LINGO2: variants seen among roughly 807,000 people sequenced by gnomAD.
LINGO2 encodes the protein leucine-rich repeat and immunoglobulin-like domain-containing nogo receptor-interacting protein 2.
A neutral mutation model predicts 30.6 loss-of-function variants in LINGO2; 14 were observed. That is an observed-to-expected ratio of 0.46 (90% CI 0.30 to 0.72). The LOEUF (loss-of-function observed/expected upper bound fraction) is 0.72, where lower values mean the gene tolerates loss of function less well. Among genes scored for constraint, LINGO2 ranks in the 30% least tolerant of loss-of-function variants. The probability of loss-of-function intolerance (pLI) is 0.07; values close to 1 mark genes in which losing one functional copy is unlikely to be tolerated. For synonymous variants in LINGO2, 317 were observed against 288.5 expected (o/e 1.10, Z -1.00); for missense variants, 729 against 751.7 (o/e 0.97, Z 0.35).
chr9:28,604,268 A>G (rs1825612891), intron 1 of LINGO2, among the ~76,000 whole-genome samples: 1 of 152,018 alleles, frequency 6.6e-6, no homozygotes, highest in African/African-American at 2.4e-5. Context: ...AAAAGAAGGC[A>G]TGTAAAGATA....
At chr9:28,461,335 T>C (rs1216926763) in intron 2 of LINGO2, among the ~76,000 whole-genome samples, 1 of 152,140 alleles carries the variant, frequency 6.6e-6, no homozygotes, top group East Asian at 1.9e-4. Context: ...CTCCCTACCA[T>C]TCATCCCTCA....
chr9:28,986,044 G>T, the LINGO2 span, among the ~76,000 whole-genome samples: 1 of 151,920 alleles, frequency 6.6e-6, no homozygotes, highest in African/African-American at 2.4e-5. Flanking sequence ...TGTATGTTGT[G>T]AGATGAGTCC....
At chr9:28,918,238 G>A in the LINGO2 span, among the ~76,000 whole-genome samples, 2 of 152,078 alleles carry the variant, frequency 1.3e-5, no homozygotes, top group South Asian at 2.1e-4. Context: ...ATGCAAAAGC[G>A]GAAACCCCTG....
the LINGO2 span, among the ~76,000 whole-genome samples, chr9:29,094,487 T>C: frequency 1.4e-5 from 2 of 138,974 alleles, 1 homozygote; most frequent in Non-Finnish European, 3.1e-5. Context: ...ATGAAGAAAC[T>C]GAAGCAAAGA....
chr9:28,170,677 C>T (rs1263071572), intron 4 of LINGO2, among the ~76,000 whole-genome samples: 1 of 152,160 alleles, frequency 6.6e-6, no homozygotes, highest in African/African-American at 2.4e-5. Flanking sequence ...CTTCTTGAGG[C>T]CATAGGGGAG....
At chr9:28,094,960 C>T (rs1022910133) in intron 4 of LINGO2, among the ~76,000 whole-genome samples, 2 of 152,048 alleles carry the variant, frequency 1.3e-5, no homozygotes, top group African/African-American at 4.8e-5. Context: ...GCATAAAATC[C>T]ACTTCAGAAG....
intron 4 of LINGO2, among the ~76,000 whole-genome samples, chr9:28,087,707 T>TTTGA (rs1470067903): frequency 6.6e-6 from 1 of 152,052 alleles, no homozygotes; most frequent in Non-Finnish European, 1.5e-5. Context: ...AGCCAGCTGC[T>TTTGA]TTGAGCCAAG....
the LINGO2 span, among the ~76,000 whole-genome samples, chr9:28,682,175 C>G: frequency 6.6e-6 from 1 of 152,268 alleles, no homozygotes; most frequent in Non-Finnish European, 1.5e-5. Context: ...AAAAATGGAT[C>G]TGTAAACTTA....
intron 4 of LINGO2, among the ~76,000 whole-genome samples, chr9:28,119,631 C>T (rs1827035149): frequency 6.6e-6 from 1 of 152,160 alleles, no homozygotes; most frequent in Non-Finnish European, 1.5e-5. Flanking sequence ...CCTGATATCT[C>T]ATTCTACGAT....
the LINGO2 span, among the ~76,000 whole-genome samples, chr9:28,852,372 T>C: frequency 6.6e-6 from 1 of 152,040 alleles, no homozygotes; most frequent in Non-Finnish European, 1.5e-5. Flanking sequence ...CCTCAAAGTA[T>C]GCACTTAGCA....
the LINGO2 span, among the ~76,000 whole-genome samples, chr9:28,954,379 C>G: frequency 3.9e-5 from 6 of 152,022 alleles, no homozygotes; most frequent in Admixed American, 1.3e-4. Context: ...CATTTCATCA[C>G]AAAGGATATT....
At chr9:28,213,219 A>C (rs1228582052) in intron 4 of LINGO2, among the ~76,000 whole-genome samples, 1 of 151,542 alleles carries the variant, frequency 6.6e-6, no homozygotes, top group Non-Finnish European at 1.5e-5. Flanking sequence ...CATTAAATGA[A>C]AGTTCCTAGA....
At chr9:28,878,341 A>G in the LINGO2 span, among the ~76,000 whole-genome samples, 4 of 152,190 alleles carry the variant, frequency 2.6e-5, no homozygotes, top group Non-Finnish European at 5.9e-5. Context: ...TTGAGGCAAT[A>G]TTCAATAGCT....
At chr9:28,573,145 C>G (rs746936217) in intron 1 of LINGO2, among the ~76,000 whole-genome samples, 3 of 152,094 alleles carry the variant, frequency 2.0e-5, no homozygotes, top group African/African-American at 7.2e-5. Flanking sequence ...CAAGGACACA[C>G]AGTAAAAGCT....
chr9:28,315,406 A>G lies in LINGO2; in HGVS notation c.-245-20040T>C, dbSNP rs569014117. ...GACAGAGGGAGACTCCGTCTCGGGG[A>G]AAAAAAAAAAAAAATGACACACTCT... On this transcript the variant is annotated intron_variant, in intron 3 of 5. Coordinates refer to ENST00000379992, the Ensembl canonical transcript of LINGO2. 3.0e-3 allele frequency among the ~76,000 whole-genome samples: 201 copies of G among 66,124 alleles called. 2 individuals carry two copies. Among genetic ancestry groups the G allele is most frequent in the African/African-American group, 8.7e-3 (180 of 20,664 alleles). The allele number at this position is 66,124 out of a possible 152,430, so 43.4% of individuals were successfully genotyped here. A position where few individuals can be genotyped will look rare whatever the true frequency, so the allele number is the denominator to read the frequency against.
intron 2 of LINGO2, among the ~76,000 whole-genome samples, chr9:28,373,540 T>C (rs779566963): frequency 6.6e-6 from 1 of 152,146 alleles, no homozygotes; most frequent in Non-Finnish European, 1.5e-5. Context: ...TTTTAGTCAT[T>C]GTTCTCTTTG....
chr9:28,326,436 T>C (rs1174298711), intron 3 of LINGO2, among the ~76,000 whole-genome samples: 1 of 152,236 alleles, frequency 6.6e-6, no homozygotes, highest in Non-Finnish European at 1.5e-5. Flanking sequence ...TTTGTTCACT[T>C]AAATCTTACT....
chr9:28,595,947 T>C (rs1825154564), intron 1 of LINGO2, among the ~76,000 whole-genome samples: 2 of 152,152 alleles, frequency 1.3e-5, no homozygotes, highest in East Asian at 1.9e-4. Flanking sequence ...ACACATTGCT[T>C]TTTTAAAAAC....
intron 2 of LINGO2, among the ~76,000 whole-genome samples, chr9:28,431,029 T>TGAGAGAGAGAGA (rs57751993): frequency 0.018 from 2,379 of 129,230 alleles, 62 homozygotes; most frequent in Middle Eastern, 0.025. Flanking sequence ...GCATGAGTGA[T>TGAGAGAGAGAGA]GAGAGAGAGA....
Sources: gnomAD v4.1 joint callset for allele counts (sites outside exome capture counted in the v4.1 genomes callset) on GRCh38, gnomAD v4.1.1 for gene constraint, MANE v1.5 for transcripts, NCBI Gene and HGNC (gene_info 2026-07-23, HGNC 2026-07-21) for gene names.